The following UHRF2 variants were observed in gnomAD, a reference collection of about 807,000 sequenced individuals.
UHRF2 encodes the protein ubiquitin like with PHD and ring finger domains 2, also known as E3 ubiquitin-protein ligase UHRF2.
A neutral mutation model predicts 96.8 loss-of-function variants in UHRF2; 23 were observed. The observed-to-expected ratio is 0.24, with a 90% CI of 0.17 to 0.34. UHRF2 has a LOEUF of 0.34. Ranked by LOEUF, UHRF2 falls within the 10% of genes least tolerant of loss-of-function variation. The pLI, the probability that UHRF2 is intolerant of heterozygous loss-of-function variation, is 1.00. For missense variants in UHRF2, 685 were observed against 981.5 expected, an observed-to-expected ratio of 0.70 and a Z score of 4.04; for synonymous variants, 385 against 332.6, an observed-to-expected ratio of 1.16 and a Z score of -1.72.
Position 6,506,068 on chromosome 9 carries a change from C to T in UHRF2, c.2298C>T (p.Phe766=). ...CLQRSFKAQV[F]SCPACRHDLG... ...AGCGCTCCTTTAAGGCACAGGTTTTCTCCTGCCCTGCTTGCCGGCATGATC... is the reference window on the plus strand; with the variant it reads ...AGCGCTCCTTTAAGGCACAGGTTTTTTCCTGCCCTGCTTGCCGGCATGATC... Residue 766 remains phenylalanine (F), a synonymous_variant, in exon 16 of 16, where the codon TTC becomes TTT. Coordinates refer to ENST00000276893, the MANE Select transcript of UHRF2 (RefSeq NM_152896.3). The T allele has an allele frequency of 6.2e-7, 1 of 1,614,168 alleles. No homozygotes were observed.
At chr9:6,426,995 G>T (rs1404661125) in intron 2 of UHRF2, among the ~76,000 whole-genome samples, 1 of 56,642 alleles carries the variant, frequency 1.8e-5, no homozygotes, top group African/African-American at 3.9e-5. Context: ...GTGATCACCT[G>T]CCTCGGCCTC....
intron 4 of UHRF2, chr9:6,468,601 A>G (rs1312769038): frequency 1.5e-5 from 7 of 456,076 alleles, no homozygotes; most frequent in South Asian, 1.1e-4. Context: ...AAAAGTCAGC[A>G]GAGTTTTTGG....
chr9:6,419,427 G>A (rs965890366), intron 1 of UHRF2, among the ~76,000 whole-genome samples: 17 of 151,994 alleles, frequency 1.1e-4, no homozygotes, highest in African/African-American at 4.1e-4. Flanking sequence ...GGCAAGTGGA[G>A]TAACATGAGC....
chr9:6,504,542 C>T (rs748535828), intron 14 of UHRF2, 51 bp from the exon 15 acceptor site: 1 of 1,226,364 alleles, frequency 8.2e-7, no homozygotes, highest in Non-Finnish European at 1.2e-6. Flanking sequence ...ATTTTATTAG[C>T]ATATTATGAA....
intron 2 of UHRF2, among the ~76,000 whole-genome samples, chr9:6,433,084 C>T (rs1820647143): frequency 6.6e-6 from 1 of 152,308 alleles, no homozygotes; most frequent in South Asian, 2.1e-4. Flanking sequence ...CTGCCCCTGC[C>T]TTGGCCTTCC....
intron 3 of UHRF2, among the ~76,000 whole-genome samples, chr9:6,451,704 C>T (rs1411709239): frequency 1.3e-5 from 2 of 152,090 alleles, no homozygotes; most frequent in South Asian, 2.1e-4. Flanking sequence ...ATCTCCTGAC[C>T]TCGTGATCCG....
chr9:6,420,736 G>A (rs1372708343), intron 1 of UHRF2, among the ~76,000 whole-genome samples, 176 bp from the exon 2 acceptor site: 1 of 151,444 alleles, frequency 6.6e-6, no homozygotes, highest in East Asian at 1.9e-4. Flanking sequence ...GAGAGAGAAT[G>A]TATTGGGGTC....
At chr9:6,464,632 A>C (rs1301644233) in intron 4 of UHRF2, among the ~76,000 whole-genome samples, 1 of 152,180 alleles carries the variant, frequency 6.6e-6, no homozygotes, top group Non-Finnish European at 1.5e-5. Flanking sequence ...ACATATGAAT[A>C]AACATTTTTC....
At chr9:6,450,304 T>TCCC (rs34892051) in intron 3 of UHRF2, among the ~76,000 whole-genome samples, 38 of 118,218 alleles carry the variant, frequency 3.2e-4, no homozygotes, top group African/African-American at 1.0e-3. Context: ...TTCTTCCCCT[T>TCCC]CCCCCCCCCC....
At chr9:6,486,770 G>T in intron 8 of UHRF2, 51 bp from the exon 9 acceptor site, 2 of 1,561,242 alleles carry the variant, frequency 1.3e-6, no homozygotes, top group Non-Finnish European at 1.8e-6. Flanking sequence ...TTTTGTAAAT[G>T]TATCTTAACT....
intron 3 of UHRF2, among the ~76,000 whole-genome samples, chr9:6,441,945 T>C (rs867837958): frequency 6.6e-6 from 1 of 152,152 alleles, no homozygotes; most frequent in Middle Eastern, 3.4e-3. Context: ...AATTCTTGAG[T>C]GGGGGAAATA....
intron 3 of UHRF2, among the ~76,000 whole-genome samples, chr9:6,450,638 G>A (rs994774018): frequency 2.0e-4 from 31 of 152,220 alleles, no homozygotes; most frequent in Admixed American, 1.8e-3. Flanking sequence ...AAGGTTGACC[G>A]GTGAGATTGA....
chr9:6,447,147 C>G (rs1053167704), intron 3 of UHRF2, among the ~76,000 whole-genome samples: 7 of 152,116 alleles, frequency 4.6e-5, no homozygotes, highest in Admixed American at 1.3e-4. Context: ...CTTCTGCCTC[C>G]CAAAGTGCTG....
At chr9:6,469,708 A>G (rs1419958840) in intron 4 of UHRF2, among the ~76,000 whole-genome samples, 3 of 150,914 alleles carry the variant, frequency 2.0e-5, no homozygotes, top group Non-Finnish European at 4.4e-5. Context: ...ATACATACAT[A>G]TACACACATA....
chr9:6,431,277 A>C (rs1369232696), intron 2 of UHRF2, among the ~76,000 whole-genome samples: 1 of 152,174 alleles, frequency 6.6e-6, no homozygotes, highest in Admixed American at 6.5e-5. Flanking sequence ...TACTCACAGC[A>C]ATACTTAGTA....
intron 3 of UHRF2, among the ~76,000 whole-genome samples, chr9:6,453,690 G>A (rs962520029): frequency 3.8e-4 from 58 of 152,304 alleles, no homozygotes; most frequent in African/African-American, 1.3e-3. Context: ...AGATCACGGG[G>A]TCAGGAGATT....
At chr9:6,454,442 C>CTTAAGGCA (rs754689565) in intron 3 of UHRF2, among the ~76,000 whole-genome samples, 1 of 152,076 alleles carries the variant, frequency 6.6e-6, no homozygotes, top group Non-Finnish European at 1.5e-5. Flanking sequence ...TCTTCATGGA[C>CTTAAGGCA]TTAAGGCATA....
chr9:6,445,107 A>G (rs1821408365), intron 3 of UHRF2, among the ~76,000 whole-genome samples: 1 of 146,376 alleles, frequency 6.8e-6, no homozygotes, highest in Non-Finnish European at 1.5e-5. Context: ...CTTGGACTAC[A>G]TAGCAAAACC....
At chr9:6,483,285 A>T (rs1017869770) in intron 8 of UHRF2, among the ~76,000 whole-genome samples, 2 of 147,180 alleles carry the variant, frequency 1.4e-5, no homozygotes, top group Non-Finnish European at 3.0e-5. Flanking sequence ...AGATTGTGCC[A>T]CTGCACTCCA....
Sources: gnomAD v4.1 joint callset for allele counts (sites outside exome capture counted in the v4.1 genomes callset) on GRCh38, gnomAD v4.1.1 for gene constraint, MANE v1.5 for transcripts, NCBI Gene and HGNC (gene_info 2026-07-23, HGNC 2026-07-21) for gene names.